Variants in HTR3D observed in about 807,000 individuals in gnomAD.
The protein encoded by HTR3D is 5-hydroxytryptamine (serotonin) receptor 3 family member D.
HTR3D carries 47 observed loss-of-function variants against 45.8 expected under a neutral mutation model. The observed-to-expected ratio is 1.03, with a 90% confidence interval of 0.81 to 1.31. HTR3D has a LOEUF of 1.31. Among genes scored for constraint, HTR3D ranks in the 50% most tolerant of loss-of-function variants. The pLI is 0.00. For missense variants in HTR3D, 448 were observed against 506.9 expected, an observed-to-expected ratio of 0.88 and a Z score of 1.12; for synonymous variants, 203 against 199.8, an observed-to-expected ratio of 1.02 and a Z score of -0.13.
At chr3:184,036,947 T>G in intron 5 of HTR3D, 51 bp downstream of exon 5, 3 of 1,523,872 alleles carry the variant, frequency 2.0e-6, no homozygotes, top group Non-Finnish European at 2.7e-6. Context: ...AGGCTGGTCT[T>G]GAACTCCTGG....
chr3:184,038,332 GA>G lies in HTR3D; in HGVS notation c.769+64del. The G allele has an allele frequency of 6.2e-7, 1 of 1,612,392 alleles. No homozygotes were observed. The highest frequency in any genetic ancestry group is 8.5e-7 in the Non-Finnish European group (1 of 1,178,604). ...CCAGGCGAAGTGAAAAGGGATCCTG[GA>G]AAAAGATCCTCTGGGAAAGAAACAA... On this transcript the variant is annotated intron_variant, in intron 6 of 7. Coordinates refer to ENST00000428798, the MANE Select transcript of HTR3D (RefSeq NM_001145143.1). The surrounding 1 kb of genome is among the most constrained non-coding windows in gnomAD (Gnocchi z 4.5).
chr3:184,037,521 G>A (rs1430779819), intron 5 of HTR3D, among the ~76,000 whole-genome samples: 1 of 152,122 alleles, frequency 6.6e-6, no homozygotes, highest in African/African-American at 2.4e-5. Flanking sequence ...AGGAATTTTT[G>A]TTTATTTTTA....
intron 1 of HTR3D, among the ~76,000 whole-genome samples, chr3:184,032,112 G>A (rs988500278): frequency 1.3e-5 from 2 of 150,214 alleles, no homozygotes; most frequent in East Asian, 3.9e-4. Flanking sequence ...TCATGCCTCA[G>A]CCTCCCAAGT....
chr3:184,035,288 A>C (rs756025026), intron 2 of HTR3D, 66 bp downstream of exon 2: 8 of 1,326,016 alleles, frequency 6.0e-6, no homozygotes, highest in Middle Eastern at 1.8e-4. Context: ...TCCTAGGTCC[A>C]GCTTTGCAGA....
chr3:184,031,804 G>C lies in HTR3D; in HGVS notation c.63G>C (p.Leu21=). The change falls in exon 1 of 8, where the codon CTG becomes CTC. Residue 21 remains leucine (L), a synonymous_variant. Coordinates refer to ENST00000428798, the MANE Select transcript of HTR3D (RefSeq NM_001145143.1). ...TTGGCTTCATCCTCCACCTGCTGCT[G>C]CAAGTACCTTAAGATAAGAGCAAGA... The part of the protein sequence containing the change: ...FLLGFILHLL[L]QDSHLQLVTS... 6.5e-7 allele frequency: 1 copy of C among 1,550,342 alleles called. No individual in the cohort carries two copies. Among genetic ancestry groups the C allele is most frequent in the Non-Finnish European group, 8.7e-7 (1 of 1,145,850 alleles).
At chr3:184,035,248 C>A in intron 2 of HTR3D, 26 bp downstream of exon 2, 1 of 1,547,678 alleles carries the variant, frequency 6.5e-7, no homozygotes, top group African/African-American at 1.4e-5. Flanking sequence ...TTTCCCCTTT[C>A]CTCTACTCTG....
chr3:184,036,820 G>A lies in HTR3D; in HGVS notation c.440G>A (p.Trp147Ter). 1 of 1,551,770 alleles carries A rather than the reference G, an allele frequency of 6.4e-7. No homozygotes were observed. Among genetic ancestry groups the A allele is most frequent in the East Asian group, 2.4e-5 (1 of 40,920 alleles). The change falls in exon 5 of 8, where the codon TGG (tryptophan) becomes TAG (stop). Residue 147 changes from tryptophan (W) to a stop codon, truncating the protein, a stop_gained. Transcript: ENST00000428798. LOFTEE classifies it high-confidence loss of function. ...HRTSFRTRREWVLLGIQKRTI... is the reference protein window; with the variant it reads ...HRTSFRTRRE ...ACCTCATTCAGAACAAGGAGGGAGT[G>A]GGTACTGCTGGGTATCCAAAAAAGA...
intron 1 of HTR3D, 36 bp downstream of exon 1, chr3:184,031,843 G>A: frequency 1.4e-6 from 2 of 1,435,006 alleles, no homozygotes; most frequent in Non-Finnish European, 1.9e-6. Context: ...GAGCAGACAT[G>A]TAACTCCTGG....
In HTR3D at chr3:184,036,732, C is replaced by T; in HGVS notation, c.368-16C>T. Reference sequence around the variant, plus strand: ...GGCTGAGTCTTCTGGGCCTGCTTTGCAGTGGAGAACACGAGCCCGGGCATG... The same window carrying T: ...GGCTGAGTCTTCTGGGCCTGCTTTGTAGTGGAGAACACGAGCCCGGGCATG... On this transcript the variant is annotated splice_polypyrimidine_tract_variant and intron_variant, in intron 4 of 7. Coordinates refer to ENST00000428798, the MANE Select transcript of HTR3D (RefSeq NM_001145143.1). 2 of 1,552,328 alleles carry T rather than the reference C, an allele frequency of 1.3e-6. No homozygotes were observed. The highest frequency in any genetic ancestry group is 8.7e-7 in the Non-Finnish European group (1 of 1,147,162).
At chr3:184,036,918 A>C (rs1453680651) in intron 5 of HTR3D, 22 bp downstream of exon 5, 2 of 1,548,470 alleles carry the variant, frequency 1.3e-6, no homozygotes, top group Non-Finnish European at 1.7e-6. Flanking sequence ...GGCCAAGACA[A>C]GGTTTCACCA....
chr3:184,034,917 G>C, intron 1 of HTR3D: 1 of 590,330 alleles, frequency 1.7e-6, no homozygotes, highest in Non-Finnish European at 2.7e-6. Flanking sequence ...GATAAGAAAT[G>C]CTGTAATGAC....
chr3:184,035,389 G>A (rs1248388216), intron 2 of HTR3D, among the ~76,000 whole-genome samples, 167 bp downstream of exon 2: 1 of 152,192 alleles, frequency 6.6e-6, no homozygotes, highest in African/African-American at 2.4e-5. Flanking sequence ...TATTCTGCTG[G>A]TTTAGGAGGG....
In HTR3D at chr3:184,038,458, G is replaced by A. The variant is rs1236329819; in HGVS notation, c.819G>A (p.Glu273=). 3 of 1,613,958 alleles carry A rather than the reference G, an allele frequency of 1.9e-6. No individual in the cohort carries two copies. The highest frequency in any genetic ancestry group is 2.5e-6 in the Non-Finnish European group (3 of 1,180,016). The change falls in exon 7 of 8, where the codon GAG becomes GAA. Residue 273 remains glutamate (E), a synonymous_variant. Transcript: ENST00000428798. This position sits in a 1 kb window ranked among gnomAD's most constrained non-coding sequence, Gnocchi z 4.5. Reference sequence around the variant, plus strand: ...CCCTGATGGTGGGCAGCCTGCTGGAGACCATCTTCATCACCCACCTGCTGC... The same window carrying A: ...CCCTGATGGTGGGCAGCCTGCTGGAAACCATCTTCATCACCCACCTGCTGC... The part of the protein sequence containing the change: ...CLSLMVGSLL[E]TIFITHLLHV...
Position 184,038,425 on chromosome 3 carries a change from G to C in HTR3D, c.786G>C (p.Leu262=). The change falls in exon 7 of 8, where the codon CTG becomes CTC. Residue 262 remains leucine, a synonymous_variant. Transcript: ENST00000428798. The surrounding 1 kb of genome is among the most constrained non-coding windows in gnomAD (Gnocchi z 4.5). ...RDQKRGVYFA[L]CLSLMVGSLL... ...TGCCTGCAGGTGTCTACTTCGCCCT[G>C]TGCCTGTCCCTGATGGTGGGCAGCC... The C allele has an allele frequency of 2.5e-6, 4 of 1,614,134 alleles. No homozygotes were observed. The highest frequency in any genetic ancestry group is 3.4e-6 in the Non-Finnish European group (4 of 1,180,022).
rs751768758 is a variant in HTR3D, at chr3:184,038,313, G to A, written c.769+40G>A. On this transcript the variant is annotated intron_variant, in intron 6 of 7. Transcript: ENST00000428798. This position sits in a 1 kb window ranked among gnomAD's most constrained non-coding sequence, Gnocchi z 4.5. The stretch of plus-strand genomic sequence containing the variant: ...GGGAGAGGGATGGGCAGAACCAGGC[G>A]AAGTGAAAAGGGATCCTGGAAAAAG... The A allele has an allele frequency of 1.7e-5, 28 of 1,612,204 alleles. 1 individual carries two copies. The highest frequency in any genetic ancestry group is 9.3e-5 in the African/African-American group (7 of 74,874).
Position 184,036,448 on chromosome 3 carries a change from T to C in HTR3D, c.271T>C (p.Cys91Arg), listed in dbSNP as rs1181708653. 5 of 1,614,170 alleles carry C rather than the reference T, an allele frequency of 3.1e-6. No individual in the cohort carries two copies. The highest frequency in any genetic ancestry group is 1.3e-5 in the African/African-American group (1 of 75,034). Reference protein sequence around the residue: ...VKATSNTISQCGWSASANWTP... With the variant: ...VKATSNTISQRGWSASANWTP... ...GGCCACATCAAACACAATAAGCCAA[T>C]GTGGGTGGTCAGCATCTGCAAACTG... is the stretch of plus-strand genomic sequence containing the variant. Residue 91 changes from cysteine (C) to arginine (R), a missense_variant, in exon 4 of 8, where the codon TGT becomes CGT. Cys to Arg is a radical substitution (Grantham distance 180). Transcript: ENST00000428798.
At chr3:184,032,292 C>G (rs1451406977) in intron 1 of HTR3D, among the ~76,000 whole-genome samples, 4 of 152,192 alleles carry the variant, frequency 2.6e-5, no homozygotes, top group African/African-American at 4.8e-5. Context: ...CTGAGCCCAG[C>G]CTGGGAACTC....
intron 1 of HTR3D, 152 bp from the exon 2 acceptor site, chr3:184,035,026 T>G: frequency 6.8e-7 from 1 of 1,472,954 alleles, no homozygotes; most frequent in Non-Finnish European, 9.0e-7. Context: ...TCCATGTACC[T>G]TGAATTGTTT....
intron 2 of HTR3D, 83 bp from the exon 3 acceptor site, chr3:184,035,932 A>AT (rs1246217337): frequency 5.0e-6 from 7 of 1,389,114 alleles, no homozygotes; most frequent in Non-Finnish European, 5.9e-6. Context: ...ACCTTCAGTG[A>AT]TCCCCCCGCC....
Sources: gnomAD v4.1 joint callset for allele counts (sites outside exome capture counted in the v4.1 genomes callset) on GRCh38, gnomAD v4.1.1 for gene constraint, Gnocchi (gnomAD v3.1) non-coding constraint, MANE v1.5 for transcripts, NCBI Gene and HGNC (gene_info 2026-07-23, HGNC 2026-07-21) for gene names.